TNIK: variants seen among roughly 807,000 people sequenced by gnomAD.
TNIK encodes the protein TRAF2 and NCK-interacting protein kinase.
A neutral mutation model predicts 191.3 loss-of-function variants in TNIK; 49 were observed. The observed-to-expected ratio is 0.26, with a 90% CI of 0.20 to 0.32. TNIK has a LOEUF of 0.32. Ranked by LOEUF, TNIK falls within the 10% of genes least tolerant of loss-of-function variation. The pLI, the probability that TNIK is intolerant of heterozygous loss-of-function variation, is 1.00. For missense variants in TNIK, 1,155 were observed against 1,702.3 expected, an observed-to-expected ratio of 0.68 and a Z score of 5.66; for synonymous variants, 594 against 600.9, an observed-to-expected ratio of 0.99 and a Z score of 0.17.
Position 171,213,018 on chromosome 3 carries a change from C to T in TNIK, c.181-1777G>A, listed in dbSNP as rs1438929894. Among the ~76,000 whole-genome samples, 18 of 151,914 alleles carry T rather than the reference C, an allele frequency of 1.2e-4. 1 individual carries two copies. The highest frequency in any genetic ancestry group is 1.2e-3 in the Admixed American group (18 of 15,220). On this transcript the variant is annotated intron_variant, in intron 3 of 32. Transcript: ENST00000436636. Reference sequence around the variant, plus strand: ...TGCTGAGCTAAGGAGAAGCATGTGGCCGAAACAGTGGGGAAGGGAGTCAAG... The same window carrying T: ...TGCTGAGCTAAGGAGAAGCATGTGGTCGAAACAGTGGGGAAGGGAGTCAAG...
At chr3:171,240,560 C>A (rs1242559925) in intron 2 of TNIK, among the ~76,000 whole-genome samples, 5 of 152,054 alleles carry the variant, frequency 3.3e-5, no homozygotes, top group African/African-American at 7.2e-5. Context: ...CTATTCCCCC[C>A]CAGTCCCCGA....
chr3:171,248,504 C>T (rs1367180214), intron 2 of TNIK, among the ~76,000 whole-genome samples: 1 of 152,052 alleles, frequency 6.6e-6, no homozygotes, highest in African/African-American at 2.4e-5. Flanking sequence ...AATCATGAGG[C>T]CCAAGGCTGG....
At chr3:171,140,017 G>C (rs1730590523) in intron 13 of TNIK, among the ~76,000 whole-genome samples, 1 of 152,226 alleles carries the variant, frequency 6.6e-6, no homozygotes, top group Non-Finnish European at 1.5e-5. Context: ...CTAGCAAAGA[G>C]AGATGGGCCT....
intron 1 of TNIK, among the ~76,000 whole-genome samples, chr3:171,372,400 C>T (rs1485514556): frequency 6.6e-6 from 1 of 152,236 alleles, no homozygotes; most frequent in Non-Finnish European, 1.5e-5. Context: ...AAACCTGAGA[C>T]TCCCTGAGAT....
intron 2 of TNIK, among the ~76,000 whole-genome samples, chr3:171,338,126 T>C (rs1449515474): frequency 6.6e-6 from 1 of 152,160 alleles, no homozygotes; most frequent in African/African-American, 2.4e-5. Context: ...GAAGATATCT[T>C]CCTCTTATGG....
chr3:171,252,030 A>C (rs1179353588), intron 2 of TNIK, among the ~76,000 whole-genome samples: 3 of 152,128 alleles, frequency 2.0e-5, no homozygotes, highest in Non-Finnish European at 4.4e-5. Flanking sequence ...TCTCTAAGGT[A>C]AATGTTCATT....
At chr3:171,333,167 AGT>A (rs752280366) in intron 2 of TNIK, among the ~76,000 whole-genome samples, 4 of 151,414 alleles carry the variant, frequency 2.6e-5, no homozygotes, top group Non-Finnish European at 4.4e-5. Flanking sequence ...GGTGGGAGGG[AGT>A]GTGTGTGTGT....
At chr3:171,175,825 C>T (rs1371852337) in intron 8 of TNIK, among the ~76,000 whole-genome samples, 1 of 152,230 alleles carries the variant, frequency 6.6e-6, no homozygotes, top group East Asian at 1.9e-4. Context: ...ACACCAGCCC[C>T]AGAGCCCCAT....
intron 2 of TNIK, among the ~76,000 whole-genome samples, chr3:171,318,953 C>T (rs752735487): frequency 3.4e-4 from 51 of 152,038 alleles, no homozygotes; most frequent in Middle Eastern, 3.4e-3. Flanking sequence ...TCACTTGAGG[C>T]CAGGAGTTCA....
intron 22 of TNIK, among the ~76,000 whole-genome samples, chr3:171,098,274 A>G (rs1222868975): frequency 6.6e-6 from 1 of 151,994 alleles, no homozygotes; most frequent in Non-Finnish European, 1.5e-5. Context: ...CTTTCCTTCC[A>G]TTCTTTTTAT....
At chr3:171,188,555 G>T in intron 7 of TNIK, 147 bp downstream of exon 7, 3 of 872,526 alleles carry the variant, frequency 3.4e-6, no homozygotes, top group Non-Finnish European at 4.8e-6. Flanking sequence ...ATCCTCACTT[G>T]AATGTCTTAC....
At chr3:171,242,992 AG>A (rs550810205) in intron 2 of TNIK, among the ~76,000 whole-genome samples, 1 of 152,354 alleles carries the variant, frequency 6.6e-6, no homozygotes, top group South Asian at 2.1e-4. Context: ...GTGGAGCTAA[AG>A]GAGTAAAAAT....
intron 2 of TNIK, among the ~76,000 whole-genome samples, chr3:171,320,630 A>G (rs896868148): frequency 6.6e-6 from 1 of 152,214 alleles, no homozygotes; most frequent in African/African-American, 2.4e-5. Flanking sequence ...AAAAACAAAA[A>G]ATGTTCAATG....
At chr3:171,138,055 G>T in intron 15 of TNIK, 136 bp downstream of exon 15, 1 of 715,054 alleles carries the variant, frequency 1.4e-6, no homozygotes. Flanking sequence ...TATAGTTCTT[G>T]CAAAAGCAAA....
chr3:171,350,749 T>C (rs1284938552), intron 2 of TNIK, among the ~76,000 whole-genome samples: 1 of 152,120 alleles, frequency 6.6e-6, no homozygotes, highest in Non-Finnish European at 1.5e-5. Context: ...TATTATCTCA[T>C]TTAATCCTTA....
chr3:171,350,595 T>TAAAA (rs71178208), intron 2 of TNIK, among the ~76,000 whole-genome samples: 15,576 of 97,604 alleles, frequency 0.16, 1,359 homozygotes, highest in East Asian at 0.21. Context: ...GCTCTGTTGC[T>TAAAA]AAAAAAAAAA....
At chr3:171,156,107 TGA>T (rs1733140169) in intron 12 of TNIK, among the ~76,000 whole-genome samples, 1 of 152,176 alleles carries the variant, frequency 6.6e-6, no homozygotes, top group South Asian at 2.1e-4. Flanking sequence ...GAGTTTTGCA[TGA>T]GAGATAATCA....
intron 2 of TNIK, among the ~76,000 whole-genome samples, chr3:171,282,774 G>A (rs1750613425): frequency 6.6e-6 from 1 of 152,206 alleles, no homozygotes; most frequent in Non-Finnish European, 1.5e-5. Context: ...TCAAGAGACT[G>A]AAAACTATTT....
At chr3:171,381,947 G>A (rs1309587689) in intron 1 of TNIK, among the ~76,000 whole-genome samples, 1 of 152,200 alleles carries the variant, frequency 6.6e-6, no homozygotes, top group African/African-American at 2.4e-5. Context: ...CTATGGTTCT[G>A]ACGATCATGG....
Sources: gnomAD v4.1 joint callset for allele counts (sites outside exome capture counted in the v4.1 genomes callset) on GRCh38, gnomAD v4.1.1 for gene constraint, MANE v1.5 for transcripts, NCBI Gene and HGNC (gene_info 2026-07-23, HGNC 2026-07-21) for gene names.